Variants in PDE11A observed in about 807,000 individuals in gnomAD.
The protein encoded by PDE11A is phosphodiesterase 11A.
In PDE11A, 100 loss-of-function variants were observed where a neutral mutation model predicts 100.5. That is an observed-to-expected ratio of 1.00 (90% CI 0.85 to 1.18). PDE11A has a LOEUF of 1.18. Ranked by LOEUF, PDE11A falls within the 50% of genes most tolerant of loss-of-function variation. PDE11A has a pLI of 0.00. For synonymous variants in PDE11A, 381 were observed against 420.8 expected, an observed-to-expected ratio of 0.91 and a Z score of 1.16; for missense variants, 1,141 against 1,152.6, an observed-to-expected ratio of 0.99 and a Z score of 0.15.
At chr2:178,035,164 A>C (rs2086596154) in intron 1 of PDE11A, among the ~76,000 whole-genome samples, 1 of 152,196 alleles carries the variant, frequency 6.6e-6, no homozygotes, top group Non-Finnish European at 1.5e-5. Flanking sequence ...AGAAGAATCA[A>C]ATAGACACAA....
At position 177,669,485 on chromosome 2, in the gene PDE11A, G is replaced by GAACT. The variant is rs1297793727; in HGVS notation, c.2562+4_2562+7dup. The GAACT allele has an allele frequency of 4.7e-6, 5 of 1,062,724 alleles. No individual in the cohort carries two copies. The highest frequency in any genetic ancestry group is 5.9e-6 in the Non-Finnish European group (4 of 676,654). 65.8% of individuals were successfully genotyped at this position (1,062,724 alleles called of 1,614,324 possible). ...GGTAAATACGTTATAATTAAAGGAT[G>GAACT]AACTCACTGAAGGAGTGAGTTTGAG... is the stretch of plus-strand genomic sequence containing the variant. On this transcript the variant is annotated splice_region_variant and intron_variant, in intron 18 of 19. Coordinates refer to ENST00000286063, the MANE Select transcript of PDE11A (RefSeq NM_016953.4).
chr2:177,871,555 T>TATC (rs1174454915), intron 5 of PDE11A, among the ~76,000 whole-genome samples: 3,149 of 146,590 alleles, frequency 0.021, 132 homozygotes, highest in African/African-American at 0.075. Context: ...TTATTATTAT[T>TATC]ATTATTATTA....
At chr2:178,007,887 T>G (rs2086230795) in intron 2 of PDE11A, among the ~76,000 whole-genome samples, 1 of 152,050 alleles carries the variant, frequency 6.6e-6, no homozygotes, top group East Asian at 1.9e-4. Flanking sequence ...TTTTGTATCT[T>G]TAGAGAGACA....
chr2:177,835,109 G>A (rs909238584), intron 6 of PDE11A, among the ~76,000 whole-genome samples: 9 of 152,162 alleles, frequency 5.9e-5, no homozygotes, highest in African/African-American at 2.2e-4. Context: ...AACGTGAGTG[G>A]AAGCTGCACT....
chr2:177,827,656 C>A (rs770329633), intron 6 of PDE11A, among the ~76,000 whole-genome samples: 2 of 152,100 alleles, frequency 1.3e-5, no homozygotes, highest in African/African-American at 2.4e-5. Context: ...TTAATGCATT[C>A]TTTGAATCTA....
At chr2:177,846,522 A>G (rs2083604585) in intron 5 of PDE11A, among the ~76,000 whole-genome samples, 2 of 152,192 alleles carry the variant, frequency 1.3e-5, no homozygotes, top group Admixed American at 1.3e-4. Context: ...AAGTTCCTAC[A>G]GCTCATCACC....
chr2:178,010,753 T>C (rs1245929219), intron 2 of PDE11A, among the ~76,000 whole-genome samples: 1 of 152,210 alleles, frequency 6.6e-6, no homozygotes, highest in Non-Finnish European at 1.5e-5. Context: ...AAATGTAGAA[T>C]ATATTCGTAT....
At chr2:177,691,344 A>G (rs1481393343) in intron 15 of PDE11A, among the ~76,000 whole-genome samples, 5 of 152,306 alleles carry the variant, frequency 3.3e-5, no homozygotes, top group African/African-American at 1.2e-4. Context: ...GGGTCCGAGT[A>G]TCACTGACTT....
chr2:178,005,744 T>C (rs1411546445), intron 2 of PDE11A, among the ~76,000 whole-genome samples: 3 of 152,230 alleles, frequency 2.0e-5, no homozygotes, highest in Non-Finnish European at 2.9e-5. Context: ...AAAAATAGTA[T>C]GCAGATCAAT....
At chr2:178,074,103 AAAATG>A (rs1157956792), upstream of PDE11A, among the ~76,000 whole-genome samples, 2 of 152,218 alleles carry the variant, frequency 1.3e-5, no homozygotes, top group African/African-American at 4.8e-5. Flanking sequence ...AACATCATGC[AAAATG>A]AAAGAAGCCA....
At chr2:177,808,055 A>C (rs1051081929) in intron 9 of PDE11A, among the ~76,000 whole-genome samples, 1 of 152,234 alleles carries the variant, frequency 6.6e-6, no homozygotes, top group African/African-American at 2.4e-5. Flanking sequence ...TCAGAATAAA[A>C]ATTTCAAGAT....
At chr2:177,688,179 C>A (rs1352048353) in intron 15 of PDE11A, 1 of 152,170 alleles carries the variant, frequency 6.6e-6, no homozygotes, top group East Asian at 1.9e-4. Flanking sequence ...GCTGCTGTAC[C>A]AAGGCAATAC....
chr2:178,057,552 G>A (rs964321055), intron 1 of PDE11A, among the ~76,000 whole-genome samples: 3 of 152,222 alleles, frequency 2.0e-5, no homozygotes, highest in African/African-American at 7.2e-5. Context: ...ATATCACCAC[G>A]GTGATTTAAA....
intron 12 of PDE11A, among the ~76,000 whole-genome samples, chr2:177,721,823 A>G (rs1048765813): frequency 1.3e-5 from 2 of 152,198 alleles, no homozygotes; most frequent in African/African-American, 4.8e-5. Flanking sequence ...AGGTTGGTGA[A>G]TTTCAAGAAT....
intron 2 of PDE11A, among the ~76,000 whole-genome samples, chr2:177,907,742 G>A (rs1037448035): frequency 6.6e-6 from 1 of 152,146 alleles, no homozygotes. Flanking sequence ...GTATAATAAA[G>A]ACAATATCTC....
chr2:177,841,090 A>G (rs1168118738), intron 5 of PDE11A, among the ~76,000 whole-genome samples: 1 of 152,194 alleles, frequency 6.6e-6, no homozygotes, highest in African/African-American at 2.4e-5. Flanking sequence ...TTGAACAAGG[A>G]ATTTTATGCC....
chr2:178,027,055 C>T (rs1048080390), intron 1 of PDE11A, among the ~76,000 whole-genome samples: 1 of 152,072 alleles, frequency 6.6e-6, no homozygotes, highest in Non-Finnish European at 1.5e-5. Flanking sequence ...TTTATTGAAA[C>T]GACCAGTGAA....
chr2:177,629,234 C>T lies in PDE11A; in HGVS notation c.*173G>A, dbSNP rs561794640. On this transcript the variant is annotated 3_prime_UTR_variant, in exon 20 of 20. Coordinates refer to ENST00000286063, the MANE Select transcript of PDE11A (RefSeq NM_016953.4). ...GCCCCACCTCTTTCTTTGTCCTTCC[C>T]GTTGCTCTCTCTGCTGCTGACCATG... 118 of 681,798 alleles carry T rather than the reference C, an allele frequency of 1.7e-4. 1 individual carries two copies. In the South Asian group the frequency reaches 1.8e-3, roughly 10 times the overall value. 42.2% of individuals were successfully genotyped at this position (681,798 alleles called of 1,614,324 possible).
At chr2:177,927,518 A>C (rs2085146209) in intron 2 of PDE11A, among the ~76,000 whole-genome samples, 1 of 152,204 alleles carries the variant, frequency 6.6e-6, no homozygotes, top group South Asian at 2.1e-4. Flanking sequence ...CAAAGGTGAA[A>C]CTCTTCCATT....
Sources: allele counts gnomAD v4.1 joint callset (sites outside exome capture counted in the v4.1 genomes callset), GRCh38; gene constraint gnomAD v4.1.1; transcripts MANE v1.5; gene names NCBI Gene and HGNC (gene_info 2026-07-23, HGNC 2026-07-21).